CCNJL: variants seen among roughly 807,000 people sequenced by gnomAD.
The protein encoded by CCNJL is cyclin J like, also known as cyclin-J-like protein.
In CCNJL, 33 loss-of-function variants were observed where a neutral mutation model predicts 33.4. The observed-to-expected ratio is 0.99, with a 90% CI of 0.75 to 1.32. The LOEUF is 1.32. CCNJL is among the 40% of genes most tolerant of loss of function. The pLI, the probability that CCNJL is intolerant of heterozygous loss-of-function variation, is 0.00. For missense variants in CCNJL, 512 were observed against 499.7 expected, an observed-to-expected ratio of 1.02 and a Z score of -0.23; for synonymous variants, 227 against 220.9, an observed-to-expected ratio of 1.03 and a Z score of -0.24.
At position 160,280,659 on chromosome 5, in the gene CCNJL, A is replaced by T. The variant is rs1413480022; in HGVS notation, c.146T>A (p.Leu49Gln). 3.1e-6 allele frequency: 5 copies of T among 1,613,520 alleles called. No homozygotes were observed. The highest frequency in any genetic ancestry group is 4.2e-6 in the Non-Finnish European group (5 of 1,179,894). Residue 49 changes from leucine (L) to glutamine (Q), a missense_variant, in exon 3 of 6, where the codon CTG becomes CAG. Coordinates refer to ENST00000257536, the MANE Select transcript of CCNJL (RefSeq NM_001308173.3). Reference sequence around the variant, plus strand: ...AGGGCAGAGCTGGCAGTGGCTGCTCAGCAGGGTCAGGATGTCCACGAAGAA... The same window carrying T: ...AGGGCAGAGCTGGCAGTGGCTGCTCTGCAGGGTCAGGATGTCCACGAAGAA... ...RRFFVDILTL[L>Q]SSHCQLCPAA...
At chr5:160,282,453 A>G (rs539592627) in intron 2 of CCNJL, among the ~76,000 whole-genome samples, 114 of 152,392 alleles carry the variant, frequency 7.5e-4, no homozygotes, top group African/African-American at 2.5e-3. Context: ...GGAAAAATAC[A>G]TAAGTTGAAT....
chr5:160,253,798 T>C lies in CCNJL; in HGVS notation c.744A>G (p.Val248=). 6.7e-7 allele frequency: 1 copy of C among 1,498,330 alleles called. No individual in the cohort carries two copies. Among genetic ancestry groups the C allele is most frequent in the Non-Finnish European group, 8.9e-7 (1 of 1,128,390 alleles). The allele number at this position is 1,498,330 out of a possible 1,614,324, so 92.8% of individuals were successfully genotyped here. A position where few individuals can be genotyped will look rare whatever the true frequency, so the allele number is the denominator to read the frequency against. ...HLSTCIEILL[V]VYDNVLKDAV... ...CATCCTTGAGGACGTTGTCATACACTCTGAAACGAGAAGACCTGGGTGAGA... is the reference window on the plus strand; with the variant it reads ...CATCCTTGAGGACGTTGTCATACACCCTGAAACGAGAAGACCTGGGTGAGA... The change falls in exon 6 of 6, where the codon GTA becomes GTG. Residue 248 remains valine, a splice_region_variant and synonymous_variant. Transcript: ENST00000257536.
At chr5:160,288,540 T>C (rs1455708086) in intron 2 of CCNJL, among the ~76,000 whole-genome samples, 1 of 152,196 alleles carries the variant, frequency 6.6e-6, no homozygotes, top group African/African-American at 2.4e-5. Context: ...TTTTTCTTTT[T>C]ACTAATTATA....
At chr5:160,324,299 G>C (rs1160168649) in intron 1 of CCNJL, among the ~76,000 whole-genome samples, 1 of 152,212 alleles carries the variant, frequency 6.6e-6, no homozygotes, top group Non-Finnish European at 1.5e-5. Context: ...CTGGCCAGGC[G>C]TGGTGGCTCA....
chr5:160,298,525 C>T (rs1762821725), intron 2 of CCNJL, among the ~76,000 whole-genome samples: 6 of 152,160 alleles, frequency 3.9e-5, no homozygotes. Context: ...CGCCTGCTCC[C>T]CTGGGCCTAC....
chr5:160,273,628 C>T (rs552721088), intron 3 of CCNJL, among the ~76,000 whole-genome samples: 6 of 145,378 alleles, frequency 4.1e-5, no homozygotes, highest in South Asian at 2.2e-4. Flanking sequence ...CAAAGCACCA[C>T]GAAAGTGCCG....
intron 2 of CCNJL, among the ~76,000 whole-genome samples, chr5:160,283,026 T>TC (rs1762291311): frequency 9.4e-6 from 1 of 106,434 alleles, no homozygotes; most frequent in Admixed American, 1.0e-4. Flanking sequence ...TATATATATA[T>TC]ACCTAAGAGA....
intron 2 of CCNJL, among the ~76,000 whole-genome samples, chr5:160,281,198 A>G (rs1464554498): frequency 6.6e-6 from 1 of 152,186 alleles, no homozygotes; most frequent in Non-Finnish European, 1.5e-5. Flanking sequence ...TAAATTTAAA[A>G]TGTATGCAAA....
intron 3 of CCNJL, among the ~76,000 whole-genome samples, chr5:160,267,575 G>C (rs1761653763): frequency 6.6e-6 from 1 of 152,138 alleles, no homozygotes; most frequent in Non-Finnish European, 1.5e-5. Flanking sequence ...CTTATATACA[G>C]TCACAAGGCC....
intron 2 of CCNJL, 155 bp from the exon 3 acceptor site, chr5:160,280,893 C>T: frequency 4.3e-6 from 3 of 705,608 alleles, no homozygotes; most frequent in Non-Finnish European, 7.7e-6. Context: ...GGCAGCCCCG[C>T]CTGGGCTATC....
chr5:160,285,965 A>G (rs1300675192), intron 2 of CCNJL, among the ~76,000 whole-genome samples: 1 of 152,196 alleles, frequency 6.6e-6, no homozygotes, highest in Non-Finnish European at 1.5e-5. Flanking sequence ...AGCAGCCCCT[A>G]CAAGCTTGCA....
intron 1 of CCNJL, among the ~76,000 whole-genome samples, chr5:160,332,190 CCA>C (rs1763615478): frequency 6.6e-6 from 1 of 152,176 alleles, no homozygotes; most frequent in African/African-American, 2.4e-5. Context: ...AGCTCCCACA[CCA>C]CACCTCTGCC....
Position 160,259,479 on chromosome 5 carries a change from G to A in CCNJL, c.573C>T (p.Val191=), listed in dbSNP as rs762711177. 6 of 1,610,846 alleles carry A rather than the reference G, an allele frequency of 3.7e-6. No individual in the cohort carries two copies. In the East Asian group the frequency reaches 1.1e-4, roughly 30 times the overall value. ...GGTCCCAGCTGTCACCTTGCAGGGT[G>A]ACCTCTAGGAAGTAATGGGCATACT... ...LKEYAHYFLE[V]TLQDHIFYKF... is the part of the protein sequence containing the mutation. Residue 191 remains valine (V), a synonymous_variant, in exon 4 of 6, where the codon GTC becomes GTT. Coordinates refer to ENST00000257536, the MANE Select transcript of CCNJL (RefSeq NM_001308173.3).
Position 160,268,559 on chromosome 5 carries a change from T to C in CCNJL, c.281-8788A>G, listed in dbSNP as rs552187000. The stretch of plus-strand genomic sequence containing the variant: ...TTTGGTTTCTGGATGAGATTTGGTG[T>C]AGGGGAGAGAGAAAGCCAGGGACAA... On this transcript the variant is annotated intron_variant, in intron 3 of 5. Coordinates refer to ENST00000257536, the MANE Select transcript of CCNJL (RefSeq NM_001308173.3). 2.3e-4 allele frequency among the ~76,000 whole-genome samples: 35 copies of C among 152,260 alleles called. 1 individual carries two copies. The highest frequency in any genetic ancestry group is 6.3e-4 in the African/African-American group (26 of 41,558).
intron 1 of CCNJL, among the ~76,000 whole-genome samples, chr5:160,329,589 C>T (rs144937722): frequency 0.033 from 5,027 of 152,116 alleles, 264 homozygotes; most frequent in African/African-American, 0.11. Context: ...GACCTCATGA[C>T]CCACCCACCT....
At chr5:160,265,634 C>CA (rs113307230) in intron 3 of CCNJL, among the ~76,000 whole-genome samples, 13,264 of 144,010 alleles carry the variant, frequency 0.092, 1,028 homozygotes, top group African/African-American at 0.21. Context: ...GACTCCATCT[C>CA]AAAAAAAAAA....
intron 1 of CCNJL, among the ~76,000 whole-genome samples, chr5:160,333,496 T>C (rs556303876): frequency 1.3e-5 from 2 of 150,826 alleles, no homozygotes; most frequent in East Asian, 3.9e-4. Context: ...AAGGCTGAGG[T>C]AGAAGGATTG....
At chr5:160,273,955 A>G (rs1761925437) in intron 3 of CCNJL, among the ~76,000 whole-genome samples, 1 of 151,976 alleles carries the variant, frequency 6.6e-6, no homozygotes, top group African/African-American at 2.4e-5. Flanking sequence ...GGCCTACAAA[A>G]GAGTTTTAGC....
chr5:160,333,154 G>A lies in CCNJL; in HGVS notation n.206+6291C>T, dbSNP rs145466327. Among the ~76,000 whole-genome samples the A allele has an allele frequency of 4.6e-3, 690 of 149,246 alleles. 5 individuals are homozygous for A. The highest frequency in any genetic ancestry group is 0.016 in the African/African-American group (646 of 40,394). On this transcript the variant is annotated intron_variant and non_coding_transcript_variant, in intron 1 of 7. Transcript: ENST00000377503. ...TTTTTTTTTTTTGAGATGGAGTCTC[G>A]CTCTGTCGCCCAGGCTGGAGTGCAG...
Sources: allele counts gnomAD v4.1 joint callset (sites outside exome capture counted in the v4.1 genomes callset), GRCh38; gene constraint gnomAD v4.1.1; transcripts MANE v1.5; gene names NCBI Gene and HGNC (gene_info 2026-07-23, HGNC 2026-07-21).